The following CTNND2 variants were observed in gnomAD, a reference collection of about 807,000 sequenced individuals.
CTNND2 encodes catenin delta 2.
In CTNND2, 22 loss-of-function variants were observed where a neutral mutation model predicts 144.4. The ratio of observed to expected loss-of-function variants is 0.15; its 90% CI spans 0.11 to 0.22. The LOEUF (loss-of-function observed/expected upper bound fraction) is 0.22. CTNND2 is among the 10% of genes least tolerant of loss of function. The probability of loss-of-function intolerance (pLI) is 1.00; values close to 1 mark genes in which losing one functional copy is unlikely to be tolerated. For missense variants in CTNND2, 1,353 were observed against 1,618.8 expected (o/e 0.84, Z 2.82); for synonymous variants, 751 against 695.6 (o/e 1.08, Z -1.25).
intron 3 of CTNND2, among the ~76,000 whole-genome samples, chr5:11,433,135 A>G (rs985780946): frequency 6.6e-6 from 1 of 151,736 alleles, no homozygotes; most frequent in Non-Finnish European, 1.5e-5. Flanking sequence ...AGTCCCAGCT[A>G]CTTGGGAGGC....
chr5:11,897,164 C>T (rs1468826658), intron 1 of CTNND2, among the ~76,000 whole-genome samples: 2 of 152,178 alleles, frequency 1.3e-5, no homozygotes, highest in African/African-American at 2.4e-5. Context: ...AGAGATTGAA[C>T]TGTGGCTCTT....
At chr5:11,018,466 G>A (rs778919122) in intron 17 of CTNND2, among the ~76,000 whole-genome samples, 15 of 152,280 alleles carry the variant, frequency 9.9e-5, no homozygotes, top group African/African-American at 3.4e-4. Context: ...AGGAAGGCAC[G>A]CCACAACCCA....
At chr5:11,692,141 C>T (rs1330657106) in intron 2 of CTNND2, among the ~76,000 whole-genome samples, 1 of 152,194 alleles carries the variant, frequency 6.6e-6, no homozygotes, top group Non-Finnish European at 1.5e-5. Flanking sequence ...TATTTTGCAG[C>T]AGCTGCACAT....
intron 2 of CTNND2, among the ~76,000 whole-genome samples, chr5:11,662,564 T>C (rs775198041): frequency 5.9e-5 from 9 of 152,016 alleles, no homozygotes; most frequent in Non-Finnish European, 8.8e-5. Context: ...CCACCCAGAT[T>C]AAGGGTGGGT....
chr5:11,630,663 T>A (rs994086933), intron 2 of CTNND2, among the ~76,000 whole-genome samples: 1 of 152,116 alleles, frequency 6.6e-6, no homozygotes, highest in Admixed American at 6.6e-5. Flanking sequence ...TATCTTGCTG[T>A]CAAATAACCC....
intron 2 of CTNND2, among the ~76,000 whole-genome samples, chr5:11,723,234 A>T (rs1786786317): frequency 6.6e-6 from 1 of 152,206 alleles, no homozygotes; most frequent in Admixed American, 6.5e-5. Flanking sequence ...TAACTAAAAC[A>T]AGGTACACAG....
chr5:11,279,217 A>G (rs879580242), intron 9 of CTNND2, among the ~76,000 whole-genome samples: 1 of 152,128 alleles, frequency 6.6e-6, no homozygotes, highest in Non-Finnish European at 1.5e-5. Flanking sequence ...CCAGACTGTG[A>G]TGTCCATTCA....
chr5:11,357,410 A>G (rs1203357607), intron 8 of CTNND2, among the ~76,000 whole-genome samples: 1 of 152,102 alleles, frequency 6.6e-6, no homozygotes, highest in African/African-American at 2.4e-5. Context: ...GTATCATGCT[A>G]AGTAAACTAA....
intron 9 of CTNND2, among the ~76,000 whole-genome samples, chr5:11,344,175 C>T (rs41077): frequency 0.57 from 86,093 of 151,506 alleles, 24,653 homozygotes; most frequent in Middle Eastern, 0.65. Flanking sequence ...GAGGCCGAGG[C>T]GGGTGGATCA....
intron 2 of CTNND2, among the ~76,000 whole-genome samples, chr5:11,680,608 C>T (rs1002332865): frequency 5.9e-5 from 9 of 152,108 alleles, no homozygotes; most frequent in Non-Finnish European, 7.4e-5. Context: ...ATGTGCATTA[C>T]GTGCACTTAA....
chr5:10,981,857 A>G lies in CTNND2; in HGVS notation c.3344-11T>C, dbSNP rs61752667. 2.5e-4 allele frequency: 396 copies of G among 1,608,938 alleles called. 2 individuals carry two copies. The Admixed American group carries it at 6.6e-3, about 27-fold the overall frequency. On this transcript the variant is annotated splice_polypyrimidine_tract_variant and intron_variant, in intron 20 of 21. Transcript: ENST00000304623. ...TTCCAGTGTTTTGAGCTAAAAGCAAAAGGAAAACAAAAGTTTAGCAAAGAA... is the reference window on the plus strand; with the variant it reads ...TTCCAGTGTTTTGAGCTAAAAGCAAGAGGAAAACAAAAGTTTAGCAAAGAA...
At chr5:11,817,803 C>T (rs1316215854) in intron 1 of CTNND2, among the ~76,000 whole-genome samples, 3 of 151,894 alleles carry the variant, frequency 2.0e-5, no homozygotes, top group East Asian at 3.9e-4. Context: ...TGAACACCAG[C>T]AGAAGCATAT....
intron 2 of CTNND2, among the ~76,000 whole-genome samples, chr5:11,669,587 T>C (rs1197463293): frequency 6.6e-6 from 1 of 152,230 alleles, no homozygotes; most frequent in Non-Finnish European, 1.5e-5. Context: ...TGGTAGTTTG[T>C]ATTTCTGTGG....
At chr5:10,985,101 A>AATAAATAC (rs1737774640) in intron 20 of CTNND2, among the ~76,000 whole-genome samples, 8 of 151,322 alleles carry the variant, frequency 5.3e-5, no homozygotes, top group South Asian at 4.2e-4. Flanking sequence ...TAAATAAATA[A>AATAAATAC]ATAAATAAAT....
chr5:11,630,767 C>T (rs1007348599), intron 2 of CTNND2, among the ~76,000 whole-genome samples: 8 of 151,972 alleles, frequency 5.3e-5, no homozygotes, highest in African/African-American at 1.9e-4. Flanking sequence ...GCCTGGTCAA[C>T]ATGGTGAAAT....
chr5:11,006,704 G>C (rs531292802), intron 18 of CTNND2, among the ~76,000 whole-genome samples: 2 of 152,190 alleles, frequency 1.3e-5, no homozygotes, highest in Non-Finnish European at 1.5e-5. Flanking sequence ...TGTAAGAAAG[G>C]CACCATGAAT....
At chr5:11,250,572 T>A (rs1743522354) in intron 9 of CTNND2, among the ~76,000 whole-genome samples, 2 of 146,488 alleles carry the variant, frequency 1.4e-5, no homozygotes, top group African/African-American at 2.5e-5. Context: ...GGTTGGGGTG[T>A]GGTGGTGGAT....
intron 8 of CTNND2, among the ~76,000 whole-genome samples, chr5:11,352,957 A>C (rs937361254): frequency 3.3e-5 from 5 of 151,984 alleles, no homozygotes; most frequent in Non-Finnish European, 7.4e-5. Context: ...GTATGTATTT[A>C]TATCTATTTA....
intron 3 of CTNND2, among the ~76,000 whole-genome samples, chr5:11,417,328 A>T (rs1206974172): frequency 2.0e-5 from 3 of 152,196 alleles, no homozygotes; most frequent in Non-Finnish European, 2.9e-5. Context: ...CATCAAAAGT[A>T]AAACCTTATG....
Sources: gnomAD v4.1 joint callset for allele counts (sites outside exome capture counted in the v4.1 genomes callset) on GRCh38, gnomAD v4.1.1 for gene constraint, MANE v1.5 for transcripts, NCBI Gene and HGNC (gene_info 2026-07-23, HGNC 2026-07-21) for gene names.